The following CHST13 variants were observed in gnomAD, a reference collection of about 807,000 sequenced individuals.
The protein encoded by CHST13 is carbohydrate sulfotransferase 13, also known as C4ST-3.
In CHST13, 1 loss-of-function variant was observed where a neutral mutation model predicts 7.0. The observed-to-expected ratio is 0.14, with a 90% CI of 0.05 to 0.68. The LOEUF is 0.68. Ranked by LOEUF, CHST13 falls within the 30% of genes least tolerant of loss-of-function variation. The pLI, the probability that CHST13 is intolerant of heterozygous loss-of-function variation, is 0.82. For missense variants in CHST13, 572 were observed against 507.9 expected (o/e 1.13, Z -1.21); for synonymous variants, 257 against 240.9 (o/e 1.07, Z -0.62).
At chr3:126,539,856 C>CTCCAT (rs1936907225) in intron 2 of CHST13, among the ~76,000 whole-genome samples, 2 of 1,114 alleles carry the variant, frequency 1.8e-3, no homozygotes, top group African/African-American at 4.5e-3. Context: ...ATCACACACA[C>CTCCAT]ACACCCCACA....
intron 2 of CHST13, among the ~76,000 whole-genome samples, chr3:126,539,261 T>G (rs1207661115): frequency 1.3e-5 from 2 of 152,172 alleles, no homozygotes; most frequent in African/African-American, 4.8e-5. Context: ...TCTAAAATAA[T>G]AAGTCTCCCT....
At chr3:126,537,939 C>T (rs945646281) in intron 2 of CHST13, among the ~76,000 whole-genome samples, 3 of 152,186 alleles carry the variant, frequency 2.0e-5, no homozygotes, top group Non-Finnish European at 4.4e-5. Flanking sequence ...AGCAAGGAAT[C>T]CAGGCAGCCA....
intron 1 of CHST13, among the ~76,000 whole-genome samples, chr3:126,526,230 T>C (rs1417487111): frequency 6.6e-6 from 1 of 152,198 alleles, no homozygotes; most frequent in East Asian, 1.9e-4. Flanking sequence ...GCTGAGACTA[T>C]GCTTGTGGGC....
intron 2 of CHST13, among the ~76,000 whole-genome samples, chr3:126,539,659 CTA>C (rs965850450): frequency 7.4e-6 from 1 of 135,116 alleles, no homozygotes; most frequent in African/African-American, 2.8e-5. Context: ...ACACCCCACA[CTA>C]TACACACAGC....
At chr3:126,526,440 A>G (rs897453180) in intron 1 of CHST13, among the ~76,000 whole-genome samples, 3 of 152,214 alleles carry the variant, frequency 2.0e-5, no homozygotes, top group African/African-American at 7.2e-5. Context: ...TGAGGGCTCC[A>G]GAACTCAGGA....
chr3:126,529,185 G>T, intron 1 of CHST13: 1 of 655,630 alleles, frequency 1.5e-6, no homozygotes, highest in Non-Finnish European at 2.4e-6. Context: ...AGAGGAGGAT[G>T]GTCGTGCTTC....
chr3:126,538,852 TG>T (rs1936859006), intron 2 of CHST13, among the ~76,000 whole-genome samples: 2 of 152,302 alleles, frequency 1.3e-5, no homozygotes, highest in South Asian at 4.1e-4. Flanking sequence ...CAGGGTTCAC[TG>T]TTTCTCAAAA....
chr3:126,535,731 T>C (rs1392941086), intron 1 of CHST13, among the ~76,000 whole-genome samples: 1 of 152,256 alleles, frequency 6.6e-6, no homozygotes, highest in East Asian at 1.9e-4. Flanking sequence ...AAGCAGCATA[T>C]TCCCTGATGG....
intron 1 of CHST13, among the ~76,000 whole-genome samples, chr3:126,531,775 G>C (rs149244403): frequency 1.3e-3 from 193 of 152,336 alleles, no homozygotes; most frequent in Non-Finnish European, 2.2e-3. Flanking sequence ...GGGAACATTT[G>C]TGAACAAGTT....
At chr3:126,533,167 T>A (rs540864034) in intron 1 of CHST13, among the ~76,000 whole-genome samples, 4 of 152,306 alleles carry the variant, frequency 2.6e-5, no homozygotes, top group African/African-American at 9.6e-5. Context: ...TACGGTTATG[T>A]CATCTATGAA....
chr3:126,542,645 G>T lies in CHST13; in HGVS notation c.*67G>T. The stretch of plus-strand genomic sequence containing the variant: ...CCGACAAGACCCCCGGGGAATGCAG[G>T]TGCTGCCGGCCCCAGGACCCCTCTT... On this transcript the variant is annotated 3_prime_UTR_variant, in exon 3 of 3. Coordinates refer to ENST00000319340, the MANE Select transcript of CHST13 (RefSeq NM_152889.3). 2.1e-6 allele frequency: 3 copies of T among 1,400,522 alleles called. No individual in the cohort carries two copies. Among genetic ancestry groups the T allele is most frequent in the Non-Finnish European group, 2.8e-6 (3 of 1,076,646 alleles). 86.8% of individuals were successfully genotyped at this position (1,400,522 alleles called of 1,614,324 possible).
At position 126,524,197 on chromosome 3, in the gene CHST13, C is replaced by G. The variant is rs1936488743; in HGVS notation, c.-136C>G. The G allele has an allele frequency of 1.7e-6, 1 of 582,706 alleles. No homozygotes were observed. Among genetic ancestry groups the G allele is most frequent in the Non-Finnish European group, 2.4e-6 (1 of 408,858 alleles). The allele number at this position is 582,706 out of a possible 1,614,324, so 36.1% of individuals were successfully genotyped here. On this transcript the variant is annotated 5_prime_UTR_variant, in exon 1 of 3. Transcript: ENST00000319340. ...AGGGGCTGGTGGGGCTGGGGTCCAG[C>G]TGCCGTGCTCCCCTGCCCTGCGCCG...
chr3:126,525,861 A>G (rs1241094705), intron 1 of CHST13, among the ~76,000 whole-genome samples: 3 of 152,110 alleles, frequency 2.0e-5, no homozygotes, highest in Admixed American at 6.5e-5. Flanking sequence ...GGTTTGAGGG[A>G]TGAGAAACAA....
intron 2 of CHST13, among the ~76,000 whole-genome samples, chr3:126,539,628 C>T (rs1206500310): frequency 2.1e-5 from 3 of 144,464 alleles, no homozygotes; most frequent in African/African-American, 7.7e-5. Context: ...ACACAGCACA[C>T]ACACACCCCA....
At chr3:126,537,668 G>A (rs968417210) in intron 2 of CHST13, among the ~76,000 whole-genome samples, 1 of 152,220 alleles carries the variant, frequency 6.6e-6, no homozygotes, top group African/African-American at 2.4e-5. Flanking sequence ...GCTTCTGAGG[G>A]GCAGATGGCC....
intron 1 of CHST13, among the ~76,000 whole-genome samples, chr3:126,535,391 C>T (rs900859653): frequency 2.2e-4 from 32 of 147,748 alleles, no homozygotes; most frequent in Non-Finnish European, 4.5e-5. Flanking sequence ...AGCTGGTAGA[C>T]AGACAGACAG....
chr3:126,535,897 G>C lies in CHST13; in HGVS notation c.98-374G>C, dbSNP rs150812676. Among the ~76,000 whole-genome samples the C allele has an allele frequency of 3.4e-3, 524 of 152,360 alleles. 1 individual carries two copies. Among genetic ancestry groups the C allele is most frequent in the African/African-American group, 0.011 (470 of 41,590 alleles). On this transcript the variant is annotated intron_variant, in intron 1 of 2. Transcript: ENST00000319340. ...GGGTGCTGGGCAGCCAGCCAGCCTG[G>C]TGAACCCCACAAGGGTTGGGGCATG...
chr3:126,525,499 G>C (rs1441839898), intron 1 of CHST13, among the ~76,000 whole-genome samples: 1 of 152,154 alleles, frequency 6.6e-6, no homozygotes, highest in Non-Finnish European at 1.5e-5. Flanking sequence ...AAGCCCATGG[G>C]ATAGGGCTGG....
At chr3:126,525,600 C>T (rs1000895517) in intron 1 of CHST13, among the ~76,000 whole-genome samples, 7 of 152,124 alleles carry the variant, frequency 4.6e-5, no homozygotes, top group Admixed American at 4.6e-4. Context: ...GGTGTGGACT[C>T]AGTGTCTGTG....
Sources: gnomAD v4.1 joint callset for allele counts (sites outside exome capture counted in the v4.1 genomes callset) on GRCh38, gnomAD v4.1.1 for gene constraint, MANE v1.5 for transcripts, NCBI Gene and HGNC (gene_info 2026-07-23, HGNC 2026-07-21) for gene names.